NRXN1: variants seen among roughly 807,000 people sequenced by gnomAD.
NRXN1 encodes the protein neurexin 1.
NRXN1 carries 39 observed loss-of-function variants against 150.9 expected under a neutral mutation model. The ratio of observed to expected loss-of-function variants is 0.26; its 90% CI spans 0.20 to 0.34. The LOEUF (loss-of-function observed/expected upper bound fraction) is 0.34. Ranked by LOEUF, NRXN1 falls within the 10% of genes least tolerant of loss-of-function variation. NRXN1 has a pLI of 1.00. For synonymous variants in NRXN1, 924 were observed against 757.0 expected (o/e 1.22, Z -3.62); for missense variants, 1,815 against 1,949.9 (o/e 0.93, Z 1.30).
intron 18 of NRXN1, among the ~76,000 whole-genome samples, chr2:50,218,727 A>G (rs2063577059): frequency 1.3e-5 from 2 of 151,996 alleles, no homozygotes; most frequent in African/African-American, 4.8e-5. Context: ...TAGGGGTTGG[A>G]ATACAAGTGA....
intron 17 of NRXN1, among the ~76,000 whole-genome samples, chr2:50,246,919 C>T (rs1010896782): frequency 6.6e-6 from 1 of 151,968 alleles, no homozygotes; most frequent in Admixed American, 6.6e-5. Flanking sequence ...TCTAGGTATC[C>T]TTATAAAAAA....
At chr2:50,435,586 A>C (rs938664163) in intron 17 of NRXN1, among the ~76,000 whole-genome samples, 1 of 152,196 alleles carries the variant, frequency 6.6e-6, no homozygotes, top group African/African-American at 2.4e-5. Context: ...GCTATTGTGA[A>C]TAGTGCTGTG....
At chr2:50,666,653 G>C (rs1313839312) in intron 5 of NRXN1, among the ~76,000 whole-genome samples, 2 of 151,954 alleles carry the variant, frequency 1.3e-5, no homozygotes, top group East Asian at 3.9e-4. Context: ...ATTGTATTGG[G>C]ATGTTTATAT....
chr2:50,708,412 T>G (rs181268105), intron 5 of NRXN1, among the ~76,000 whole-genome samples: 1 of 152,332 alleles, frequency 6.6e-6, no homozygotes, highest in East Asian at 1.9e-4. Flanking sequence ...TTTCTTCTTA[T>G]TGGCCAATTA....
chr2:50,778,130 C>A (rs1303453280), intron 5 of NRXN1, among the ~76,000 whole-genome samples: 1 of 152,092 alleles, frequency 6.6e-6, no homozygotes, highest in Non-Finnish European at 1.5e-5. Flanking sequence ...TCCTCAGACA[C>A]TTTTAGCAGC....
chr2:50,847,070 C>T (rs72838780), intron 5 of NRXN1, among the ~76,000 whole-genome samples: 11,054 of 152,042 alleles, frequency 0.073, 507 homozygotes, highest in Middle Eastern at 0.13. Context: ...TAAGGAGGAA[C>T]TTATATTCTC....
At chr2:50,429,171 C>A (rs552333481) in intron 17 of NRXN1, among the ~76,000 whole-genome samples, 1 of 152,074 alleles carries the variant, frequency 6.6e-6, no homozygotes. Flanking sequence ...CAGCTCTCAT[C>A]GACTCCTAAC....
intron 5 of NRXN1, among the ~76,000 whole-genome samples, chr2:50,897,984 T>A (rs953274765): frequency 1.3e-5 from 2 of 152,220 alleles, no homozygotes; most frequent in Non-Finnish European, 2.9e-5. Flanking sequence ...CTACAGTATA[T>A]CTTCCACTAT....
Position 50,091,339 on chromosome 2 carries a change from G to A in NRXN1, c.3702C>T (p.Ile1234=), listed in dbSNP as rs201812430. The part of the protein sequence containing the change: ...ATLQVDSWPV[I]ERYPAGNNDN... ...CTTGCTTACCTGCAGGGTAGCGCTC[G>A]ATCACTGGCCAGCTGTCCACCTGCA... Residue 1234 remains isoleucine, a synonymous_variant, in exon 19 of 23, where the codon ATC becomes ATT. Transcript: ENST00000401669. The A allele has an allele frequency of 2.0e-5, 32 of 1,614,110 alleles. No homozygotes were observed. Among genetic ancestry groups the A allele is most frequent in the Non-Finnish European group, 2.4e-5 (28 of 1,180,024 alleles).
chr2:50,999,321 C>G (rs1411940481), intron 2 of NRXN1, among the ~76,000 whole-genome samples: 1 of 152,034 alleles, frequency 6.6e-6, no homozygotes, highest in Non-Finnish European at 1.5e-5. Flanking sequence ...AAGGTGGATA[C>G]TCCACAGTAT....
intron 17 of NRXN1, among the ~76,000 whole-genome samples, chr2:50,280,695 T>TA (rs1459444021): frequency 6.6e-6 from 1 of 152,072 alleles, no homozygotes; most frequent in African/African-American, 2.4e-5. Flanking sequence ...TCAGAGAAAA[T>TA]ACTATGATTC....
At chr2:50,499,599 C>G (rs1250230255) in intron 13 of NRXN1, among the ~76,000 whole-genome samples, 2 of 152,046 alleles carry the variant, frequency 1.3e-5, no homozygotes, top group Non-Finnish European at 2.9e-5. Flanking sequence ...ATATAAAGCT[C>G]TAAAGACACC....
chr2:50,873,791 T>C (rs1230306072), intron 5 of NRXN1, among the ~76,000 whole-genome samples: 1 of 151,870 alleles, frequency 6.6e-6, no homozygotes, highest in African/African-American at 2.4e-5. Context: ...TTTTCTGTAT[T>C]TATGGCCAAG....
At chr2:50,440,546 C>A (rs1034778386) in intron 17 of NRXN1, among the ~76,000 whole-genome samples, 1 of 151,762 alleles carries the variant, frequency 6.6e-6, no homozygotes, top group Non-Finnish European at 1.5e-5. Flanking sequence ...GAAAATAAGG[C>A]AGGAAAGGAG....
chr2:50,993,058 C>G (rs1339217423), intron 2 of NRXN1, among the ~76,000 whole-genome samples: 2 of 151,790 alleles, frequency 1.3e-5, no homozygotes, highest in African/African-American at 4.8e-5. Flanking sequence ...CAAGGACATA[C>G]AAAGAGTAGA....
rs551758482 is a variant in NRXN1, at chr2:50,660,411, A to G, written c.833-36796T>C. ...AAGGAACATTAATTACTCTTCCTCT[A>G]TCTCCACACTGTATATGAATATTCA... On this transcript the variant is annotated intron_variant, in intron 5 of 22. Transcript: ENST00000401669. Among the ~76,000 whole-genome samples the G allele has an allele frequency of 1.5e-4, 23 of 152,150 alleles. 1 individual carries two copies. The South Asian group carries it at 1.9e-3, about 12-fold the overall frequency.
At chr2:50,183,287 A>G (rs1225518929) in intron 18 of NRXN1, among the ~76,000 whole-genome samples, 12 of 152,052 alleles carry the variant, frequency 7.9e-5, no homozygotes, top group Admixed American at 2.0e-4. Context: ...TTGAAAGTTA[A>G]TTTCAAAGGT....
At chr2:50,302,522 C>A (rs184328911) in intron 17 of NRXN1, among the ~76,000 whole-genome samples, 12 of 152,212 alleles carry the variant, frequency 7.9e-5, no homozygotes, top group African/African-American at 2.6e-4. Context: ...ATTGCTAAGA[C>A]CAATTCCATT....
intron 17 of NRXN1, among the ~76,000 whole-genome samples, chr2:50,334,613 G>C (rs572825028): frequency 6.6e-6 from 1 of 152,222 alleles, no homozygotes; most frequent in African/African-American, 2.4e-5. Flanking sequence ...TCCATCACAA[G>C]GGTCTCCAAA....
Sources: allele counts gnomAD v4.1 joint callset (sites outside exome capture counted in the v4.1 genomes callset), GRCh38; gene constraint gnomAD v4.1.1; transcripts MANE v1.5; gene names NCBI Gene and HGNC (gene_info 2026-07-23, HGNC 2026-07-21).